Variants in KCNIP4 observed in about 807,000 individuals in gnomAD.
KCNIP4 encodes potassium voltage-gated channel interacting protein 4.
KCNIP4 carries 12 observed loss-of-function variants against 34.0 expected under a neutral mutation model. That is an observed-to-expected ratio of 0.35 (90% CI 0.23 to 0.57). KCNIP4 has a LOEUF of 0.57. Among genes scored for constraint, KCNIP4 ranks in the 20% least tolerant of loss-of-function variants. The pLI is 0.83. For synonymous variants in KCNIP4, 124 were observed against 102.2 expected (o/e 1.21, Z -1.29); for missense variants, 238 against 311.7 (o/e 0.76, Z 1.78).
At chr4:21,165,802 A>T (rs1200058803) in intron 1 of KCNIP4, among the ~76,000 whole-genome samples, 1 of 152,198 alleles carries the variant, frequency 6.6e-6, no homozygotes, top group East Asian at 1.9e-4. Flanking sequence ...CCTCTCTAAA[A>T]TTCATGTTAA....
chr4:20,785,055 A>T (rs1407872144), intron 3 of KCNIP4, among the ~76,000 whole-genome samples: 1 of 152,142 alleles, frequency 6.6e-6, no homozygotes, highest in Non-Finnish European at 1.5e-5. Context: ...GGGAAGAGAT[A>T]CAGTTTAATA....
chr4:21,214,685 C>A (rs1757440762), intron 1 of KCNIP4, among the ~76,000 whole-genome samples: 1 of 152,110 alleles, frequency 6.6e-6, no homozygotes, highest in African/African-American at 2.4e-5. Flanking sequence ...ATATGTTAAA[C>A]CTCTTAATAT....
At chr4:21,711,441 C>T (rs545520114) in intron 1 of KCNIP4, among the ~76,000 whole-genome samples, 21 of 152,002 alleles carry the variant, frequency 1.4e-4, no homozygotes, top group African/African-American at 5.1e-4. Context: ...AAGATCGCGC[C>T]ACTGCACTCC....
intron 2 of KCNIP4, among the ~76,000 whole-genome samples, chr4:20,860,960 T>A (rs1722136943): frequency 6.6e-6 from 1 of 152,202 alleles, no homozygotes; most frequent in Admixed American, 6.5e-5. Flanking sequence ...ACCCTTCTTT[T>A]CTACTGCAAA....
chr4:21,747,370 G>A (rs980578276), intron 1 of KCNIP4, among the ~76,000 whole-genome samples: 4 of 152,078 alleles, frequency 2.6e-5, no homozygotes, highest in Non-Finnish European at 4.4e-5. Flanking sequence ...TCAGAGGCAT[G>A]CGTTCTGTAG....
chr4:21,911,467 AGT>A (rs1374709977), intron 1 of KCNIP4, among the ~76,000 whole-genome samples: 1 of 146,822 alleles, frequency 6.8e-6, no homozygotes. Flanking sequence ...ACAAAAAGAG[AGT>A]GAGAATTTTT....
chr4:20,933,141 G>C (rs1441435105), intron 1 of KCNIP4, among the ~76,000 whole-genome samples: 1 of 152,044 alleles, frequency 6.6e-6, no homozygotes, highest in Non-Finnish European at 1.5e-5. Context: ...GCTACTTCGA[G>C]GCTGAGACAG....
chr4:21,566,382 A>T (rs28636012), intron 1 of KCNIP4, among the ~76,000 whole-genome samples: 28,187 of 152,032 alleles, frequency 0.19, 2,705 homozygotes, highest in South Asian at 0.24. Flanking sequence ...AAGTGATTAG[A>T]TCATGGGAGT....
At chr4:21,262,889 C>A (rs927312424) in intron 1 of KCNIP4, among the ~76,000 whole-genome samples, 9 of 152,210 alleles carry the variant, frequency 5.9e-5, no homozygotes, top group African/African-American at 2.2e-4. Flanking sequence ...AGGACATGGA[C>A]TGTATCCTTT....
At chr4:21,727,056 T>C (rs940163882) in intron 1 of KCNIP4, among the ~76,000 whole-genome samples, 1 of 135,826 alleles carries the variant, frequency 7.4e-6, no homozygotes, top group African/African-American at 2.5e-5. Context: ...TGTTGGTTAG[T>C]ACTCTAGAAT....
intron 1 of KCNIP4, among the ~76,000 whole-genome samples, chr4:21,437,480 C>T (rs1211182856): frequency 6.6e-6 from 1 of 152,190 alleles, no homozygotes; most frequent in African/African-American, 2.4e-5. Context: ...TTTCCCATTC[C>T]GTTCTCCTAA....
intron 1 of KCNIP4, among the ~76,000 whole-genome samples, chr4:21,893,770 A>G (rs1337680062): frequency 6.6e-6 from 1 of 152,186 alleles, no homozygotes; most frequent in East Asian, 1.9e-4. Context: ...AGATGCAGTT[A>G]AAACCAACTC....
At chr4:20,909,370 T>G (rs562307127) in intron 1 of KCNIP4, among the ~76,000 whole-genome samples, 2 of 152,304 alleles carry the variant, frequency 1.3e-5, no homozygotes, top group East Asian at 3.9e-4. Flanking sequence ...CTTCCCATCA[T>G]TAGATATCCA....
Position 21,247,735 on chromosome 4 carries a change from G to GATATATATATATATATATATAT in KCNIP4, c.62-365048_62-365027dup, listed in dbSNP as rs58465908. Among the ~76,000 whole-genome samples, 52 of 61,332 alleles carry GATATATATATATATATATATAT rather than the reference G, an allele frequency of 8.5e-4. 1 individual carries two copies. The highest frequency in any genetic ancestry group is 2.0e-3 in the African/African-American group (19 of 9,504). The allele number at this position is 61,332 out of a possible 152,430, so 40.2% of individuals were successfully genotyped here. ...GCAAAGCAAAAGCAATCCACAGGTG[G>GATATATATATATATATATATAT]ATATATATATATATATATATATATA... is the stretch of plus-strand genomic sequence containing the variant. On this transcript the variant is annotated intron_variant, in intron 1 of 8. Coordinates refer to ENST00000382152, the MANE Select transcript of KCNIP4 (RefSeq NM_025221.6).
In KCNIP4 at chr4:21,096,478, G is replaced by A. The variant is rs114546795; in HGVS notation, c.62-213769C>T. Among the ~76,000 whole-genome samples, 416 of 152,098 alleles carry A rather than the reference G, an allele frequency of 2.7e-3. 4 individuals are homozygous for A. Among genetic ancestry groups the A allele is most frequent in the African/African-American group, 9.4e-3 (392 of 41,516 alleles). On this transcript the variant is annotated intron_variant, in intron 1 of 8. Transcript: ENST00000382152. ...TGTTTAACAAGCTATACCTACTTTA[G>A]GGTCCTTCAGTTTTTTTATTCTGTT...
At chr4:21,196,019 T>C (rs921209452) in intron 1 of KCNIP4, among the ~76,000 whole-genome samples, 1 of 152,222 alleles carries the variant, frequency 6.6e-6, no homozygotes, top group Admixed American at 6.5e-5. Context: ...GTTCTCTTGA[T>C]CTCTTCCTGC....
intron 1 of KCNIP4, among the ~76,000 whole-genome samples, chr4:21,352,184 C>T (rs1560317609): frequency 6.6e-6 from 1 of 152,140 alleles, no homozygotes; most frequent in Non-Finnish European, 1.5e-5. Context: ...AGAAACAGCT[C>T]CGGTCTGCAG....
chr4:21,192,751 C>A (rs557927180), intron 1 of KCNIP4, among the ~76,000 whole-genome samples: 203 of 151,974 alleles, frequency 1.3e-3, no homozygotes, highest in Admixed American at 2.0e-3. Context: ...TAAAAAAATT[C>A]TTTATTTAAA....
chr4:21,433,187 A>G (rs1292661472), intron 1 of KCNIP4, among the ~76,000 whole-genome samples: 5 of 152,252 alleles, frequency 3.3e-5, no homozygotes, highest in Non-Finnish European at 7.3e-5. Flanking sequence ...ATTAAAAGAC[A>G]TGATGCAAGC....
Sources: gnomAD v4.1 joint callset for allele counts (sites outside exome capture counted in the v4.1 genomes callset) on GRCh38, gnomAD v4.1.1 for gene constraint, MANE v1.5 for transcripts, NCBI Gene and HGNC (gene_info 2026-07-23, HGNC 2026-07-21) for gene names.